Variants in TSHR observed in about 807,000 individuals in gnomAD.
TSHR encodes the protein thyrotropin receptor.
In TSHR, 51 loss-of-function variants were observed where a neutral mutation model predicts 64.1. That is an observed-to-expected ratio of 0.80 (90% CI 0.64 to 1.01). TSHR has a LOEUF of 1.01. Ranked by LOEUF, TSHR falls within the 50% of genes least tolerant of loss-of-function variation. TSHR has a pLI of 0.00. For missense variants in TSHR, 877 were observed against 942.8 expected (o/e 0.93, Z 0.91); for synonymous variants, 361 against 361.9 (o/e 1.00, Z 0.03).
intron 1 of TSHR, among the ~76,000 whole-genome samples, chr14:80,969,629 T>C (rs1197868163): frequency 6.6e-6 from 1 of 152,202 alleles, no homozygotes; most frequent in Non-Finnish European, 1.5e-5. Flanking sequence ...GCCCAAGCCA[T>C]TGGGTCCATG....
chr14:81,102,963 C>A (rs189064098), intron 7 of TSHR: 203 of 985,366 alleles, frequency 2.1e-4, no homozygotes, highest in Middle Eastern at 5.2e-4. Flanking sequence ...AAGCTGGAAA[C>A]TGCTCCTGTT....
At position 81,108,452 on chromosome 14, in the gene TSHR, T is replaced by A. The variant is rs1339919098; in HGVS notation, c.692T>A (p.Leu231Gln). Residue 231 changes from leucine (L) to glutamine (Q), a missense_variant and splice_region_variant, in exon 8 of 10, where the codon CTG becomes CAG. Physicochemically the swap from Leu to Gln is moderately radical, Grantham distance 113. Coordinates refer to ENST00000298171, the MANE Select transcript of TSHR (RefSeq NM_000369.5). ...GGAGTATACAGTGGACCAAGCTTGC[T>A]GTGAGTAAGACATACAAAAGAATAT... ...FGGVYSGPSLLDVSQTSVTAL... is the reference protein window; with the variant it reads ...FGGVYSGPSLQDVSQTSVTAL... 6.2e-7 allele frequency: 1 copy of A among 1,612,954 alleles called. No individual in the cohort carries two copies. Among genetic ancestry groups the A allele is most frequent in the African/African-American group, 1.3e-5 (1 of 74,908 alleles).
chr14:81,020,070 C>T (rs1883658088), intron 1 of TSHR, among the ~76,000 whole-genome samples: 1 of 152,168 alleles, frequency 6.6e-6, no homozygotes. Context: ...ATTTACACTC[C>T]TACCAACAGT....
chr14:81,083,624 C>G (rs143867564), intron 3 of TSHR, among the ~76,000 whole-genome samples: 1 of 152,124 alleles, frequency 6.6e-6, no homozygotes, highest in African/African-American at 2.4e-5. Context: ...CTGCATCACA[C>G]GAGTCAGTTA....
Position 81,108,434 on chromosome 14 carries a change from A to G in TSHR, c.674A>G (p.Tyr225Cys), listed in dbSNP as rs1186709643. ...VIDKDAFGGV[Y>C]SGPSLLDVSQ... Reference sequence around the variant, plus strand: ...GACAAAGATGCATTTGGAGGAGTATACAGTGGACCAAGCTTGCTGTGAGTA... The same window carrying G: ...GACAAAGATGCATTTGGAGGAGTATGCAGTGGACCAAGCTTGCTGTGAGTA... The change falls in exon 8 of 10, where the codon TAC (tyrosine) becomes TGC (cysteine). Residue 225 changes from tyrosine (Y) to cysteine (C), a missense_variant. By Grantham distance (194) the Tyr-to-Cys change is radical. Transcript: ENST00000298171. 6.2e-7 allele frequency: 1 copy of G among 1,613,732 alleles called. No homozygotes were observed. The highest frequency in any genetic ancestry group is 1.1e-5 in the South Asian group (1 of 91,038).
intron 7 of TSHR, chr14:81,104,528 G>T (rs1889772534): frequency 4.1e-6 from 4 of 985,424 alleles, no homozygotes; most frequent in Non-Finnish European, 4.8e-6. Context: ...ACCTGGTATA[G>T]AGGGTGCCTC....
intron 2 of TSHR, among the ~76,000 whole-genome samples, chr14:81,065,554 C>T (rs778354706): frequency 1.2e-4 from 18 of 152,098 alleles, no homozygotes; most frequent in East Asian, 1.9e-4. Flanking sequence ...ACTGAGGCTT[C>T]CCCCAGGGAG....
chr14:81,044,657 CA>C (rs147382752), intron 1 of TSHR, among the ~76,000 whole-genome samples: 408 of 113,510 alleles, frequency 3.6e-3, no homozygotes, highest in African/African-American at 0.013. Flanking sequence ...GACTCTGTCT[CA>C]AAAAAAAAAA....
chr14:81,091,244 T>G, intron 5 of TSHR, 101 bp downstream of exon 5: 1 of 1,053,138 alleles, frequency 9.5e-7, no homozygotes, highest in Admixed American at 1.8e-5. Flanking sequence ...AAAGCAATTG[T>G]TTCAAGGAGT....
intron 8 of TSHR, among the ~76,000 whole-genome samples, chr14:81,114,164 G>T (rs956021735): frequency 2.7e-5 from 4 of 150,458 alleles, no homozygotes; most frequent in Non-Finnish European, 4.4e-5. Context: ...AAGTATCACT[G>T]GGGGGGAGGA....
chr14:81,113,881 C>T (rs1301430695), intron 8 of TSHR, among the ~76,000 whole-genome samples: 1 of 152,134 alleles, frequency 6.6e-6, no homozygotes, highest in Non-Finnish European at 1.5e-5. Flanking sequence ...CTACTTCTTA[C>T]TCATCCCAGA....
intron 1 of TSHR, among the ~76,000 whole-genome samples, chr14:81,005,693 C>T (rs529662367): frequency 6.6e-6 from 1 of 152,232 alleles, no homozygotes; most frequent in South Asian, 2.1e-4. Flanking sequence ...AGACTGCCAC[C>T]ACAGGTTATA....
At chr14:81,033,802 A>C (rs2268472) in intron 1 of TSHR, among the ~76,000 whole-genome samples, 37,141 of 152,036 alleles carry the variant, frequency 0.24, 4,654 homozygotes, top group South Asian at 0.33. Flanking sequence ...ATTCTAATTT[A>C]GGTTATGAAG....
At chr14:81,114,947 C>T (rs1890425226) in intron 8 of TSHR, among the ~76,000 whole-genome samples, 1 of 152,174 alleles carries the variant, frequency 6.6e-6, no homozygotes, top group African/African-American at 2.4e-5. Flanking sequence ...CAGGGTACTC[C>T]AACAGACCTG....
intron 1 of TSHR, among the ~76,000 whole-genome samples, chr14:81,030,915 A>G (rs1884316255): frequency 6.6e-6 from 1 of 152,178 alleles, no homozygotes; most frequent in South Asian, 2.1e-4. Flanking sequence ...TTTTCATTAT[A>G]ATGGAGGTTT....
At chr14:80,969,267 A>G (rs2139699203) in intron 1 of TSHR, among the ~76,000 whole-genome samples, 1 of 152,262 alleles carries the variant, frequency 6.6e-6, no homozygotes, top group South Asian at 2.1e-4. Flanking sequence ...TAGTGGATAT[A>G]GTGTTCATAT....
intron 1 of TSHR, among the ~76,000 whole-genome samples, chr14:81,044,749 A>G (rs1250810830): frequency 6.6e-6 from 1 of 152,122 alleles, no homozygotes; most frequent in East Asian, 1.9e-4. Context: ...TCAAAAAACA[A>G]CAGATGCTGG....
At chr14:80,959,985 A>G (rs1249841199) in intron 1 of TSHR, among the ~76,000 whole-genome samples, 1 of 152,254 alleles carries the variant, frequency 6.6e-6, no homozygotes, top group Non-Finnish European at 1.5e-5. Context: ...AAAGACAGAA[A>G]AAACAAAAAT....
intron 1 of TSHR, among the ~76,000 whole-genome samples, chr14:81,015,276 T>A (rs1890125166): frequency 6.6e-6 from 1 of 152,094 alleles, no homozygotes; most frequent in African/African-American, 2.4e-5. Context: ...GACAAAGAAG[T>A]TGGCTAGTTG....
Sources: allele counts gnomAD v4.1 joint callset (sites outside exome capture counted in the v4.1 genomes callset), GRCh38; gene constraint gnomAD v4.1.1; transcripts MANE v1.5; gene names NCBI Gene and HGNC (gene_info 2026-07-23, HGNC 2026-07-21).